The following CCDC77 variants were observed in gnomAD, a reference collection of about 807,000 sequenced individuals.
The protein encoded by CCDC77 is coiled-coil domain-containing protein 77.
In CCDC77, 56 loss-of-function variants were observed where a neutral mutation model predicts 66.8. The observed-to-expected ratio is 0.84, with a 90% CI of 0.68 to 1.05. CCDC77 has a LOEUF of 1.05. Ranked by LOEUF, CCDC77 falls within the 50% of genes least tolerant of loss-of-function variation. The pLI, the probability that CCDC77 is intolerant of heterozygous loss-of-function variation, is 0.00. For missense variants in CCDC77, 570 were observed against 576.8 expected (o/e 0.99, Z 0.12); for synonymous variants, 196 against 195.2 (o/e 1.00, Z -0.03).
chr12:424,844 C>T (rs1273318466), intron 5 of CCDC77, among the ~76,000 whole-genome samples: 1 of 150,792 alleles, frequency 6.6e-6, no homozygotes, highest in Non-Finnish European at 1.5e-5. Flanking sequence ...AAGGTTCCAA[C>T]TTCATTATTT....
chr12:415,330 A>AATATTATGTTAATATAATCAAC (rs1565567914), intron 4 of CCDC77, among the ~76,000 whole-genome samples: 2,818 of 95,344 alleles, frequency 0.03, 229 homozygotes, highest in East Asian at 0.17. Context: ...TAATCAACAT[A>AATATTATGTTAATATAATCAAC]ATATTATGTT....
intron 5 of CCDC77, among the ~76,000 whole-genome samples, chr12:426,346 C>A (rs1945532490): frequency 6.6e-6 from 1 of 152,172 alleles, no homozygotes; most frequent in South Asian, 2.1e-4. Context: ...AAGTAATTCT[C>A]TTCTAGCAAA....
intron 12 of CCDC77, 147 bp downstream of exon 12, chr12:441,143 G>A (rs1945850463): frequency 1.2e-6 from 1 of 810,588 alleles, no homozygotes; most frequent in East Asian, 2.6e-5. Context: ...CTGAAAATTA[G>A]TTCAAGAACA....
At position 409,263 on chromosome 12, in the gene CCDC77, C is replaced by A. The variant is rs1192794734; in HGVS notation, c.-16-105C>A. 7 of 780,432 alleles carry A rather than the reference C, an allele frequency of 9.0e-6. No homozygotes were observed. The East Asian group carries it at 1.5e-4, about 17-fold the overall frequency. 48.3% of individuals were successfully genotyped at this position (780,432 alleles called of 1,614,324 possible). ...ACATTTTAAAACATCAGATTCTTTC[C>A]AAGAAGCAAATATGATGATGTTGAA... On this transcript the variant is annotated intron_variant, in intron 2 of 12. Coordinates refer to ENST00000239830, the MANE Select transcript of CCDC77 (RefSeq NM_032358.4).
intron 10 of CCDC77, among the ~76,000 whole-genome samples, chr12:439,243 G>T (rs1945815346): frequency 6.6e-6 from 1 of 152,080 alleles, no homozygotes; most frequent in Admixed American, 6.6e-5. Flanking sequence ...GATTAGGCCA[G>T]ACGCGATGGC....
upstream of CCDC77, among the ~76,000 whole-genome samples, chr12:399,978 A>G (rs576886346): frequency 6.6e-6 from 1 of 152,264 alleles, no homozygotes; most frequent in Non-Finnish European, 1.5e-5. Context: ...GCTGGTTCAT[A>G]TATATCAAAA....
intron 5 of CCDC77, among the ~76,000 whole-genome samples, chr12:428,469 C>T (rs1945577768): frequency 7.4e-6 from 1 of 135,652 alleles, no homozygotes; most frequent in Admixed American, 8.3e-5. Flanking sequence ...CAAGACCGCA[C>T]CATTGCACTC....
chr12:432,196 T>C (rs370815804), intron 8 of CCDC77, among the ~76,000 whole-genome samples: 2 of 152,186 alleles, frequency 1.3e-5, no homozygotes, highest in African/African-American at 4.8e-5. Flanking sequence ...CTAAGCCCCA[T>C]CCACCAAAAC....
chr12:418,883 G>T (rs1945337802), intron 5 of CCDC77: 2 of 402,986 alleles, frequency 5.0e-6, no homozygotes, highest in African/African-American at 2.0e-5. Flanking sequence ...ATTTTTAGTG[G>T]AGATGGGGTT....
chr12:410,071 A>C (rs1945077979), intron 3 of CCDC77, among the ~76,000 whole-genome samples: 2 of 151,960 alleles, frequency 1.3e-5, no homozygotes, highest in African/African-American at 4.8e-5. Flanking sequence ...GAAAATGTTT[A>C]AGTTTTTCTT....
intron 3 of CCDC77, among the ~76,000 whole-genome samples, chr12:410,255 T>G (rs532439551): frequency 3.8e-4 from 51 of 134,052 alleles, no homozygotes; most frequent in African/African-American, 1.3e-3. Flanking sequence ...TCTCTTCTTC[T>G]GTACTATTTT....
chr12:412,435 C>T (rs1945131120), intron 4 of CCDC77, among the ~76,000 whole-genome samples: 1 of 152,244 alleles, frequency 6.6e-6, no homozygotes, highest in Non-Finnish European at 1.5e-5. Context: ...TCATCCAGTT[C>T]TCTGCCACGT....
At chr12:399,020 G>C (rs1423479917), upstream of CCDC77, among the ~76,000 whole-genome samples, 1 of 151,978 alleles carries the variant, frequency 6.6e-6, no homozygotes, top group African/African-American at 2.4e-5. Context: ...CCAAAGTGCT[G>C]GGTTTACAGG....
intron 1 of CCDC77, among the ~76,000 whole-genome samples, chr12:404,892 T>C (rs1944964309): frequency 6.6e-6 from 1 of 151,902 alleles, no homozygotes; most frequent in Non-Finnish European, 1.5e-5. Flanking sequence ...CCAGCTAACT[T>C]TGTATTTTTA....
At chr12:422,332 G>C (rs890113262) in intron 5 of CCDC77, among the ~76,000 whole-genome samples, 1 of 152,266 alleles carries the variant, frequency 6.6e-6, no homozygotes, top group Non-Finnish European at 1.5e-5. Flanking sequence ...GTGGCATTAA[G>C]TATATTCACG....
At chr12:431,800 G>A in intron 7 of CCDC77, 66 bp from the exon 8 acceptor site, 1 of 1,012,208 alleles carries the variant, frequency 9.9e-7, no homozygotes, top group Middle Eastern at 2.3e-4. Flanking sequence ...GGGAAATACT[G>A]ATATTTCAAT....
intron 2 of CCDC77, among the ~76,000 whole-genome samples, chr12:408,643 A>C (rs1945044305): frequency 1.3e-5 from 2 of 152,120 alleles, no homozygotes; most frequent in African/African-American, 4.8e-5. Context: ...CAGGGACTAT[A>C]GGTACGGGCC....
intron 8 of CCDC77, among the ~76,000 whole-genome samples, chr12:432,276 T>C (rs933609266): frequency 6.6e-6 from 1 of 152,198 alleles, no homozygotes; most frequent in Non-Finnish European, 1.5e-5. Context: ...TCTATGCTGA[T>C]AGATCAACAT....
At position 418,594 on chromosome 12, in the gene CCDC77, A is replaced by G; in HGVS notation, c.371A>G (p.His124Arg). 1.2e-6 allele frequency: 2 copies of G among 1,614,194 alleles called. No individual in the cohort carries two copies. The highest frequency in any genetic ancestry group is 1.1e-5 in the South Asian group (1 of 91,084). The change falls in exon 5 of 13, where the codon CAT becomes CGT. Residue 124 changes from histidine to arginine, a missense_variant. By Grantham distance (29) the His-to-Arg change is conservative (BLOSUM62 0). Coordinates refer to ENST00000239830, the MANE Select transcript of CCDC77 (RefSeq NM_032358.4). ...GTCTGCCTCTTCCAGGAACGGGAACATGTTTTACGCCTCTACTCAGAAAAT... is the reference window on the plus strand; with the variant it reads ...GTCTGCCTCTTCCAGGAACGGGAACGTGTTTTACGCCTCTACTCAGAAAAT... ...MQVCLFQERE[H>R]VLRLYSENDR... is the part of the protein sequence containing the mutation.
Sources: allele counts gnomAD v4.1 joint callset (sites outside exome capture counted in the v4.1 genomes callset), GRCh38; gene constraint gnomAD v4.1.1; transcripts MANE v1.5; gene names NCBI Gene and HGNC (gene_info 2026-07-23, HGNC 2026-07-21).